Variants in SLC25A26 observed in about 807,000 individuals in gnomAD.
The protein encoded by SLC25A26 is mitochondrial S-adenosylmethionine carrier protein.
In SLC25A26, 36 loss-of-function variants were observed where a neutral mutation model predicts 37.8. The observed-to-expected ratio is 0.95, with a 90% CI of 0.73 to 1.26. The LOEUF is 1.26. SLC25A26 is among the 50% of genes most tolerant of loss of function. SLC25A26 has a pLI of 0.00. For synonymous variants in SLC25A26, 129 were observed against 122.5 expected, an observed-to-expected ratio of 1.05 and a Z score of -0.35; for missense variants, 390 against 331.1, an observed-to-expected ratio of 1.18 and a Z score of -1.38.
intron 5 of SLC25A26, among the ~76,000 whole-genome samples, chr3:66,313,139 C>T (rs1387294861): frequency 6.6e-6 from 1 of 152,114 alleles, no homozygotes; most frequent in African/African-American, 2.4e-5. Flanking sequence ...AATTAGATCC[C>T]ATTTATCAAT....
intron 3 of SLC25A26, among the ~76,000 whole-genome samples, chr3:66,250,618 G>A (rs1036229686): frequency 6.3e-5 from 8 of 126,276 alleles, no homozygotes; most frequent in African/African-American, 1.6e-4. Context: ...ATGATGTTCC[G>A]TAGGTTGGGG....
chr3:66,175,164 A>G (rs1311275105), intron 1 of SLC25A26, among the ~76,000 whole-genome samples: 1 of 144,454 alleles, frequency 6.9e-6, no homozygotes, highest in Non-Finnish European at 1.5e-5. Context: ...CACACACATT[A>G]TATGTATATA....
At chr3:66,359,067 C>A (rs956156803) in intron 6 of SLC25A26, among the ~76,000 whole-genome samples, 2 of 152,080 alleles carry the variant, frequency 1.3e-5, no homozygotes, top group Middle Eastern at 3.2e-3. Context: ...CAAATTATTT[C>A]TTTATGTGTT....
chr3:66,356,388 C>T (rs1426656933), intron 6 of SLC25A26, among the ~76,000 whole-genome samples: 2 of 152,132 alleles, frequency 1.3e-5, no homozygotes, highest in African/African-American at 2.4e-5. Flanking sequence ...AGTGAAGAAT[C>T]ACTTGGGAAA....
intron 1 of SLC25A26, among the ~76,000 whole-genome samples, chr3:66,200,360 A>T (rs939021572): frequency 6.6e-6 from 1 of 152,214 alleles, no homozygotes; most frequent in Non-Finnish European, 1.5e-5. Context: ...CTGGCTGCAC[A>T]ATCCAGGCAG....
At chr3:66,229,866 A>T (rs1453032377) in intron 1 of SLC25A26, among the ~76,000 whole-genome samples, 1 of 151,622 alleles carries the variant, frequency 6.6e-6, no homozygotes, top group African/African-American at 2.4e-5. Flanking sequence ...AGCCTCACTA[A>T]AAAAAAAACT....
intron 3 of SLC25A26, among the ~76,000 whole-genome samples, chr3:66,246,508 TG>T (rs2074178487): frequency 6.6e-6 from 1 of 152,238 alleles, no homozygotes; most frequent in African/African-American, 2.4e-5. Context: ...TTTAAAAAAT[TG>T]GAGCCTTGGA....
chr3:66,305,970 T>G (rs1013195496), intron 5 of SLC25A26, among the ~76,000 whole-genome samples: 12 of 152,240 alleles, frequency 7.9e-5, no homozygotes, highest in African/African-American at 2.9e-4. Context: ...ATCTATTGTT[T>G]CTTTCTTTTT....
At chr3:66,167,038 C>T (rs1333597984) in intron 1 of SLC25A26, among the ~76,000 whole-genome samples, 1 of 152,176 alleles carries the variant, frequency 6.6e-6, no homozygotes, top group African/African-American at 2.4e-5. Context: ...TGAGATGTGC[C>T]TTTCACCTTC....
chr3:66,337,249 C>G (rs908868589), intron 5 of SLC25A26, among the ~76,000 whole-genome samples: 2 of 152,076 alleles, frequency 1.3e-5, no homozygotes, highest in South Asian at 2.1e-4. Context: ...GATGTTCACA[C>G]TGGGCATTTT....
intron 1 of SLC25A26, among the ~76,000 whole-genome samples, chr3:66,164,555 A>G (rs936873728): frequency 3.3e-5 from 5 of 152,248 alleles, no homozygotes; most frequent in South Asian, 4.1e-4. Context: ...TTCTTAAACC[A>G]TTAAGGGCAA....
At chr3:66,246,768 T>A (rs78819478) in intron 3 of SLC25A26, among the ~76,000 whole-genome samples, 10 of 152,332 alleles carry the variant, frequency 6.6e-5, no homozygotes, top group African/African-American at 2.2e-4. Context: ...CTTGGTAATT[T>A]GCCCATGTTG....
intron 1 of SLC25A26, among the ~76,000 whole-genome samples, chr3:66,235,698 T>TA (rs954452115): frequency 1.3e-4 from 20 of 152,272 alleles, no homozygotes; most frequent in East Asian, 3.9e-4. Context: ...GATAAATCGT[T>TA]AAAAAAAGTA....
At chr3:66,210,631 GTC>G (rs1270578887) in intron 1 of SLC25A26, among the ~76,000 whole-genome samples, 4 of 151,930 alleles carry the variant, frequency 2.6e-5, no homozygotes, top group African/African-American at 9.7e-5. Flanking sequence ...TCCTACCTCT[GTC>G]TCTCGAGTAG....
At chr3:66,143,009 T>C (rs567767615) in intron 1 of SLC25A26, among the ~76,000 whole-genome samples, 33 of 152,096 alleles carry the variant, frequency 2.2e-4, no homozygotes, top group Non-Finnish European at 4.6e-4. Flanking sequence ...TCAGGCGATC[T>C]TCCTGCCTCA....
intron 1 of SLC25A26, among the ~76,000 whole-genome samples, chr3:66,172,968 G>T (rs1018470309): frequency 4.6e-5 from 7 of 152,194 alleles, no homozygotes; most frequent in African/African-American, 1.7e-4. Flanking sequence ...AGGAACAGAA[G>T]GTTAGGGCTT....
intron 1 of SLC25A26, among the ~76,000 whole-genome samples, chr3:66,162,690 C>T (rs1373806483): frequency 6.6e-6 from 1 of 152,162 alleles, no homozygotes; most frequent in African/African-American, 2.4e-5. Flanking sequence ...AACATGATAT[C>T]TAAAGACCAC....
chr3:66,251,520 T>C (rs2073083176), intron 3 of SLC25A26, among the ~76,000 whole-genome samples: 1 of 152,156 alleles, frequency 6.6e-6, no homozygotes, highest in African/African-American at 2.4e-5. Flanking sequence ...GCATGCCCCA[T>C]CTTGCCAGTG....
At position 66,236,686 on chromosome 3, in the gene SLC25A26, G is replaced by A. The variant is rs994585656; in HGVS notation, c.176G>A (p.Gly59Glu). The A allele has an allele frequency of 8.0e-5, 121 of 1,516,976 alleles. No homozygotes were observed. Among genetic ancestry groups the A allele is most frequent in the Non-Finnish European group, 1.0e-4 (113 of 1,133,604 alleles). 94.0% of individuals were successfully genotyped at this position (1,516,976 alleles called of 1,614,324 possible). Residue 59 changes from glycine to glutamate, a missense_variant, in exon 2 of 10, where the codon GGA (glycine) becomes GAA (glutamate). By Grantham distance (98) the Gly-to-Glu change is moderately conservative (BLOSUM62 -2). Transcript: ENST00000354883. ...GCTGGCGTTCCTTCTGCTGCTATTG[G>A]ATCCTTTCCTAATGGTAAAAAATTA... is the stretch of plus-strand genomic sequence containing the variant. Reference protein sequence around the residue: ...IYAGVPSAAIGSFPNAAAFFI... With the variant: ...IYAGVPSAAIESFPNAAAFFI...
Sources: gnomAD v4.1 joint callset for allele counts (sites outside exome capture counted in the v4.1 genomes callset) on GRCh38, gnomAD v4.1.1 for gene constraint, MANE v1.5 for transcripts, NCBI Gene and HGNC (gene_info 2026-07-23, HGNC 2026-07-21) for gene names.